The following HMCN2 variants were observed in gnomAD, a reference collection of about 807,000 sequenced individuals.
The protein encoded by HMCN2 is hemicentin-2.
A neutral mutation model predicts 377.5 loss-of-function variants in HMCN2; 325 were observed. The ratio of observed to expected loss-of-function variants is 0.86; its 90% CI spans 0.79 to 0.94. The LOEUF (loss-of-function observed/expected upper bound fraction) is 0.94. Ranked by LOEUF, HMCN2 falls within the 40% of genes least tolerant of loss-of-function variation. The probability of loss-of-function intolerance (pLI) is 0.00; values close to 1 mark genes in which losing one functional copy is unlikely to be tolerated. For synonymous variants in HMCN2, 2,007 were observed against 2,046.8 expected (o/e 0.98, Z 0.53); for missense variants, 4,543 against 4,725.3 (o/e 0.96, Z 1.13).
chr9:130,282,197 C>T (rs1030922362), intron 1 of HMCN2, among the ~76,000 whole-genome samples: 3 of 152,340 alleles, frequency 2.0e-5, no homozygotes, highest in Non-Finnish European at 2.9e-5. Flanking sequence ...GCCAAGGGCA[C>T]GCTCACGTTA....
chr9:130,351,334 C>T lies in HMCN2; in HGVS notation c.4431-89C>T. On this transcript the variant is annotated intron_variant, in intron 29 of 97. Transcript: ENST00000683500. The surrounding 1 kb of genome is among the most constrained non-coding windows in gnomAD (Gnocchi z 5.4). The stretch of plus-strand genomic sequence containing the variant: ...GGCGCTAATGAATGGCCCAGCCTCG[C>T]TTTTTACAAGCCACACACTCCCTGT... 1.8e-6 allele frequency: 2 copies of T among 1,097,986 alleles called. No individual in the cohort carries two copies. Among genetic ancestry groups the T allele is most frequent in the Non-Finnish European group, 2.4e-6 (2 of 844,808 alleles). The allele number at this position is 1,097,986 out of a possible 1,614,324, so 68.0% of individuals were successfully genotyped here.
intron 45 of HMCN2, 112 bp from the exon 46 acceptor site, chr9:130,370,852 T>C: frequency 1.6e-6 from 1 of 614,660 alleles, no homozygotes; most frequent in Non-Finnish European, 2.0e-6. Flanking sequence ...CTTCTGCTCC[T>C]CAGACTCTCC....
In HMCN2 at chr9:130,360,787, TCCCAC is replaced by T. The variant is rs1840343766; in HGVS notation, c.5950+186_5950+190del. On this transcript the variant is annotated intron_variant, in intron 38 of 97. Transcript: ENST00000683500. This position sits in a 1 kb window ranked among gnomAD's most constrained non-coding sequence, Gnocchi z 4.7. ...ATCCATCCATCCATCCATCCATCCA[TCCCAC>T]CCATCCATCCACCCATCCACCCCTC... 1.5e-5 allele frequency among the ~76,000 whole-genome samples: 2 copies of T among 132,010 alleles called. No homozygotes were observed. Among genetic ancestry groups the T allele is most frequent in the African/African-American group, 5.5e-5 (2 of 36,446 alleles). The allele number at this position is 132,010 out of a possible 152,430, so 86.6% of individuals were successfully genotyped here. A position where few individuals can be genotyped will look rare whatever the true frequency, so the allele number is the denominator to read the frequency against.
rs190771108 is a variant in HMCN2, at chr9:130,359,162, G to C, written c.5678-157G>C. Among the ~76,000 whole-genome samples, 58 of 152,234 alleles carry C rather than the reference G, an allele frequency of 3.8e-4. 1 individual carries two copies. In the East Asian group the frequency reaches 0.011, roughly 29 times the overall value. On this transcript the variant is annotated intron_variant, in intron 36 of 97. Transcript: ENST00000683500. The stretch of plus-strand genomic sequence containing the variant: ...CTCTTTGTTCTTGGGCTTGCTTCCA[G>C]GAGTGAGGTTGCTTAGTCTGAGGAC...
At chr9:130,266,710 C>T (rs547621107) in intron 1 of HMCN2, among the ~76,000 whole-genome samples, 1 of 152,246 alleles carries the variant, frequency 6.6e-6, no homozygotes, top group Non-Finnish European at 1.5e-5. Flanking sequence ...AGGGCAGCGC[C>T]TCTCGTGTGC....
At chr9:130,287,932 G>T (rs1554928586) in intron 4 of HMCN2, among the ~76,000 whole-genome samples, 1 of 152,214 alleles carries the variant, frequency 6.6e-6, no homozygotes, top group Non-Finnish European at 1.5e-5. Flanking sequence ...ATCTCCAGGA[G>T]TGTGTTTAGA....
At chr9:130,330,215 C>A (rs1441028401) in intron 22 of HMCN2, among the ~76,000 whole-genome samples, 8 of 152,212 alleles carry the variant, frequency 5.3e-5, no homozygotes, top group African/African-American at 1.9e-4. Context: ...CCCTCTCCCC[C>A]CTCCCCTGCT....
intron 22 of HMCN2, among the ~76,000 whole-genome samples, chr9:130,329,301 C>T (rs950561054): frequency 1.8e-4 from 28 of 152,212 alleles, no homozygotes; most frequent in Non-Finnish European, 3.1e-4. Flanking sequence ...TCATCCATGT[C>T]GTAGCCAGAT....
chr9:130,397,245 C>T (rs1842650767), intron 73 of HMCN2, among the ~76,000 whole-genome samples: 2 of 152,206 alleles, frequency 1.3e-5, no homozygotes, highest in African/African-American at 4.8e-5. Flanking sequence ...TGCAGAGAAA[C>T]TTACGTTTTT....
At chr9:130,328,644 G>A (rs943215479) in intron 22 of HMCN2, among the ~76,000 whole-genome samples, 1 of 152,054 alleles carries the variant, frequency 6.6e-6, no homozygotes. Flanking sequence ...GAGGGAAAAT[G>A]TGCTGGGAGG....
chr9:130,395,140 C>CCGGGCCG, intron 70 of HMCN2, 32 bp downstream of exon 70: 2 of 271,040 alleles, frequency 7.4e-6, no homozygotes, highest in Non-Finnish European at 1.1e-5. Context: ...GGGGCAGGGC[C>CCGGGCCG]GGGAGGCAGG....
At chr9:130,269,618 T>C (rs147223073) in intron 1 of HMCN2, among the ~76,000 whole-genome samples, 6 of 148,742 alleles carry the variant, frequency 4.0e-5, no homozygotes, top group African/African-American at 1.2e-4. Context: ...GAAAATGATA[T>C]CTTCTTGTTT....
intron 1 of HMCN2, among the ~76,000 whole-genome samples, chr9:130,279,435 C>G (rs929991277): frequency 6.6e-6 from 1 of 152,140 alleles, no homozygotes; most frequent in East Asian, 1.9e-4. Context: ...TTCCTGCAAC[C>G]TCTGCCTCCC....
At chr9:130,326,583 T>TA (rs1332621086) in intron 21 of HMCN2, among the ~76,000 whole-genome samples, 4,024 of 145,158 alleles carry the variant, frequency 0.028, 60 homozygotes, top group Middle Eastern at 0.049. Context: ...TTTTATATTG[T>TA]AAAAAAAAAA....
At chr9:130,419,145 C>A (rs947683004) in intron 86 of HMCN2, 104 bp downstream of exon 86, 3 of 1,145,126 alleles carry the variant, frequency 2.6e-6, no homozygotes, top group East Asian at 5.7e-5. Flanking sequence ...CTTGCCAGCT[C>A]CCCACCTCTT....
At chr9:130,332,709 G>A (rs1564790280) in intron 22 of HMCN2, among the ~76,000 whole-genome samples, 2 of 152,200 alleles carry the variant, frequency 1.3e-5, no homozygotes, top group Admixed American at 6.5e-5. Context: ...ACGGGTCTGC[G>A]ATCCTGGTCA....
chr9:130,382,353 C>T, intron 55 of HMCN2, 56 bp downstream of exon 55: 1 of 848,326 alleles, frequency 1.2e-6, no homozygotes, highest in Non-Finnish European at 1.4e-6. Flanking sequence ...CCGTAAGGGC[C>T]TCCCTCAGAA....
At chr9:130,289,416 G>A (rs1203101186) in intron 4 of HMCN2, among the ~76,000 whole-genome samples, 1 of 152,116 alleles carries the variant, frequency 6.6e-6, no homozygotes, top group East Asian at 1.9e-4. Flanking sequence ...GGGGCCCAGA[G>A]ATGACCTCAT....
chr9:130,346,842 G>A (rs1839416710), intron 25 of HMCN2, among the ~76,000 whole-genome samples: 1 of 152,156 alleles, frequency 6.6e-6, no homozygotes, highest in African/African-American at 2.4e-5. Flanking sequence ...GCAGGGGCTG[G>A]GGGTGCCTGT....
Sources: allele counts gnomAD v4.1 joint callset (sites outside exome capture counted in the v4.1 genomes callset), GRCh38; gene constraint gnomAD v4.1.1; non-coding constraint Gnocchi (gnomAD v3.1); transcripts MANE v1.5; gene names NCBI Gene and HGNC (gene_info 2026-07-23, HGNC 2026-07-21).